FBLN7: variants seen among roughly 807,000 people sequenced by gnomAD.
FBLN7 encodes fibulin-7.
A neutral mutation model predicts 44.0 loss-of-function variants in FBLN7; 31 were observed. The observed-to-expected ratio is 0.70, with a 90% CI of 0.53 to 0.95. FBLN7 has a LOEUF of 0.95. FBLN7 is among the 40% of genes least tolerant of loss of function. The pLI, the probability that FBLN7 is intolerant of heterozygous loss-of-function variation, is 0.00. For missense variants in FBLN7, 573 were observed against 618.5 expected, an observed-to-expected ratio of 0.93 and a Z score of 0.78; for synonymous variants, 262 against 253.4, an observed-to-expected ratio of 1.03 and a Z score of -0.32.
the FBLN7 span, among the ~76,000 whole-genome samples, chr2:112,235,496 T>C: frequency 6.6e-6 from 1 of 152,162 alleles, no homozygotes; most frequent in Non-Finnish European, 1.5e-5. Flanking sequence ...GGCTTCAGAT[T>C]CCTCATTCAT....
the FBLN7 span, among the ~76,000 whole-genome samples, chr2:112,225,522 A>G: frequency 1.3e-5 from 2 of 152,130 alleles, no homozygotes; most frequent in Non-Finnish European, 2.9e-5. Context: ...AAAAGCCTCA[A>G]TGTCACAAAG....
At chr2:112,203,820 C>T in the FBLN7 span, among the ~76,000 whole-genome samples, 4 of 152,102 alleles carry the variant, frequency 2.6e-5, no homozygotes, top group South Asian at 8.3e-4. Flanking sequence ...GAGGAAGATG[C>T]AAAAGCAAAA....
the FBLN7 span, among the ~76,000 whole-genome samples, chr2:112,201,819 G>T: frequency 6.6e-6 from 1 of 152,182 alleles, no homozygotes; most frequent in Non-Finnish European, 1.5e-5. Flanking sequence ...GAGCATTTCT[G>T]TTGATTCCAG....
chr2:112,238,850 TTGATA>T, the FBLN7 span, among the ~76,000 whole-genome samples: 2 of 152,268 alleles, frequency 1.3e-5, no homozygotes, highest in Non-Finnish European at 1.5e-5. Context: ...TCTTAATTAT[TTGATA>T]TGAGAGGATT....
At chr2:112,223,115 G>T in the FBLN7 span, among the ~76,000 whole-genome samples, 8 of 152,128 alleles carry the variant, frequency 5.3e-5, no homozygotes, top group South Asian at 4.2e-4. Context: ...GTCGTGGGGT[G>T]GGGGAGTGGG....
At chr2:112,235,555 G>C in the FBLN7 span, among the ~76,000 whole-genome samples, 2 of 152,206 alleles carry the variant, frequency 1.3e-5, no homozygotes, top group South Asian at 2.1e-4. Context: ...TTTCAATCTA[G>C]AATATTTGGC....
chr2:112,167,396 G>T (rs10197919), intron 3 of FBLN7, among the ~76,000 whole-genome samples: 1 of 151,950 alleles, frequency 6.6e-6, no homozygotes, highest in Admixed American at 6.5e-5. Flanking sequence ...CTAGTGGCTC[G>T]CCAAGAATGC....
chr2:112,195,351 T>C, the FBLN7 span, among the ~76,000 whole-genome samples: 1 of 152,090 alleles, frequency 6.6e-6, no homozygotes, highest in Non-Finnish European at 1.5e-5. Context: ...ACCTCAGCCA[T>C]GCGGTGGCAC....
chr2:112,147,329 A>G (rs1680942278), intron 1 of FBLN7, among the ~76,000 whole-genome samples: 1 of 151,898 alleles, frequency 6.6e-6, no homozygotes, highest in South Asian at 2.1e-4. Flanking sequence ...CCTACTTCTA[A>G]ATACTCTGGG....
chr2:112,233,499 TCTAA>T, the FBLN7 span: 11 of 645,312 alleles, frequency 1.7e-5, no homozygotes, highest in South Asian at 7.5e-5. Flanking sequence ...GGTAGCACAT[TCTAA>T]CTGTTAATAA....
chr2:112,160,268 G>A (rs1434482735), intron 2 of FBLN7, among the ~76,000 whole-genome samples: 2 of 152,190 alleles, frequency 1.3e-5, no homozygotes, highest in Non-Finnish European at 2.9e-5. Flanking sequence ...GGGATGACAG[G>A]CGTGGGCCAC....
intron 3 of FBLN7, among the ~76,000 whole-genome samples, chr2:112,170,468 A>C (rs1682401037): frequency 6.6e-6 from 1 of 150,630 alleles, no homozygotes; most frequent in Admixed American, 6.6e-5. Context: ...CAGAGATTGC[A>C]GTGAGTCGAG....
chr2:112,207,802 A>C, the FBLN7 span, among the ~76,000 whole-genome samples: 1 of 152,258 alleles, frequency 6.6e-6, no homozygotes, highest in African/African-American at 2.4e-5. Context: ...TCTGAAGTCT[A>C]TTTTATTATT....
chr2:112,164,700 G>A (rs1313904810), intron 2 of FBLN7, among the ~76,000 whole-genome samples: 1 of 152,210 alleles, frequency 6.6e-6, no homozygotes, highest in Non-Finnish European at 1.5e-5. Context: ...TGAGTAGGTG[G>A]CAGTGATGAA....
intron 3 of FBLN7, among the ~76,000 whole-genome samples, chr2:112,172,627 CTTTTTTTT>C (rs35062438): frequency 1.4e-3 from 124 of 88,134 alleles, no homozygotes; most frequent in African/African-American, 5.1e-3. Context: ...CTTTTTCTTT[CTTTTTTTT>C]TTTTTTTTTT....
chr2:112,211,642 AAAC>A, the FBLN7 span: 4 of 152,364 alleles, frequency 2.6e-5, no homozygotes, highest in South Asian at 6.2e-4. Flanking sequence ...ACTGCTAAGA[AAAC>A]AATAACCTGC....
At chr2:112,227,822 A>C in the FBLN7 span, among the ~76,000 whole-genome samples, 1 of 152,230 alleles carries the variant, frequency 6.6e-6, no homozygotes, top group South Asian at 2.1e-4. Context: ...CTGAAGATCT[A>C]AATAAATGGA....
chr2:112,185,449 A>C (rs1683224485), intron 7 of FBLN7, 110 bp downstream of exon 7: 2 of 1,409,500 alleles, frequency 1.4e-6, no homozygotes, highest in Non-Finnish European at 1.9e-6. Flanking sequence ...TAGAAAGATG[A>C]GAGGCAGGAG....
chr2:112,154,425 G>C (rs1305624559), intron 1 of FBLN7, among the ~76,000 whole-genome samples: 1 of 152,182 alleles, frequency 6.6e-6, no homozygotes, highest in Non-Finnish European at 1.5e-5. Flanking sequence ...CGAGGGGACG[G>C]CCTCTGGAAC....
Sources: gnomAD v4.1 joint callset for allele counts (sites outside exome capture counted in the v4.1 genomes callset) on GRCh38, gnomAD v4.1.1 for gene constraint, MANE v1.5 for transcripts, NCBI Gene and HGNC (gene_info 2026-07-23, HGNC 2026-07-21) for gene names.